Variants in LRP12 observed in about 807,000 individuals in gnomAD.
The protein encoded by LRP12 is LDL receptor related protein 12, also known as low-density lipoprotein receptor-related protein 12.
LRP12 carries 14 observed loss-of-function variants against 66.0 expected under a neutral mutation model. The observed-to-expected ratio is 0.21, with a 90% confidence interval of 0.14 to 0.33. LRP12 has a LOEUF of 0.33. LRP12 is among the 10% of genes least tolerant of loss of function. The pLI, the probability that LRP12 is intolerant of heterozygous loss-of-function variation, is 1.00. For missense variants in LRP12, 889 were observed against 1,053.4 expected, an observed-to-expected ratio of 0.84 and a Z score of 2.16; for synonymous variants, 357 against 359.1, an observed-to-expected ratio of 0.99 and a Z score of 0.07.
intron 2 of LRP12, among the ~76,000 whole-genome samples, chr8:104,515,447 C>T (rs986698173): frequency 1.3e-5 from 2 of 152,030 alleles, no homozygotes. Context: ...TATGAAAACC[C>T]TATAGAAGCT....
intron 3 of LRP12, chr8:104,506,775 CAAGG>C (rs1436293221): frequency 6.6e-6 from 1 of 152,066 alleles, no homozygotes; most frequent in Non-Finnish European, 1.5e-5. Flanking sequence ...TAGTGGGTTC[CAAGG>C]GAGAGGAATG....
At position 104,588,997 on chromosome 8, in the gene LRP12, CCGAGCCACCGG is replaced by C; in HGVS notation, c.-111_-101del. On this transcript the variant is annotated 5_prime_UTR_variant, in exon 1 of 7. Transcript: ENST00000276654. ...GCCGCCGCCGCCGCCGCCGCCGCCG[CCGAGCCACCGG>C]CTGCTCCCTGCGCTCTCCGCGGCTG... 5 of 885,110 alleles carry C rather than the reference CCGAGCCACCGG, an allele frequency of 5.6e-6. No individual in the cohort carries two copies. Among genetic ancestry groups the C allele is most frequent in the Admixed American group, 2.9e-5 (1 of 34,614 alleles). 54.8% of individuals were successfully genotyped at this position (885,110 alleles called of 1,614,324 possible).
chr8:104,496,775 C>T (rs958511744), intron 5 of LRP12, among the ~76,000 whole-genome samples, 197 bp downstream of exon 5: 1 of 152,180 alleles, frequency 6.6e-6, no homozygotes, highest in African/African-American at 2.4e-5. Flanking sequence ...TTTCTCATAA[C>T]TCTAAATATT....
chr8:104,539,786 A>C (rs1033543605), intron 1 of LRP12, among the ~76,000 whole-genome samples: 5 of 152,142 alleles, frequency 3.3e-5, no homozygotes, highest in Non-Finnish European at 7.4e-5. Context: ...GAGAAGATAA[A>C]AAAAAATGAG....
intron 1 of LRP12, among the ~76,000 whole-genome samples, chr8:104,539,159 G>A (rs1053802622): frequency 6.6e-5 from 10 of 152,080 alleles, no homozygotes. Context: ...AAACACTTAG[G>A]ACATTAATGA....
intron 2 of LRP12, among the ~76,000 whole-genome samples, chr8:104,510,169 C>T (rs749921291): frequency 6.6e-5 from 10 of 152,126 alleles, no homozygotes; most frequent in Non-Finnish European, 1.3e-4. Flanking sequence ...CATAATGCTG[C>T]TTTTAGGGTA....
At chr8:104,538,628 G>A (rs908607161) in intron 1 of LRP12, among the ~76,000 whole-genome samples, 3 of 152,100 alleles carry the variant, frequency 2.0e-5, no homozygotes, top group African/African-American at 7.2e-5. Flanking sequence ...AAAGGACAAT[G>A]AGACATCACA....
intron 1 of LRP12, chr8:104,566,428 T>C (rs942851883): frequency 6.7e-5 from 16 of 238,576 alleles, no homozygotes; most frequent in African/African-American, 1.1e-4. Flanking sequence ...AAATGGCCAA[T>C]ACAATTACTA....
intron 1 of LRP12, among the ~76,000 whole-genome samples, chr8:104,548,066 A>T (rs1168958684): frequency 8.4e-6 from 1 of 119,646 alleles, no homozygotes; most frequent in Non-Finnish European, 1.6e-5. Context: ...TTTGTATATA[A>T]TATATAATTC....
chr8:104,548,545 A>AT (rs915576969), intron 1 of LRP12, among the ~76,000 whole-genome samples: 21 of 134,594 alleles, frequency 1.6e-4, no homozygotes, highest in Non-Finnish European at 2.9e-4. Context: ...TCTATGTTAT[A>AT]TTTTGTATAT....
At chr8:104,498,347 T>C (rs7832076) in intron 4 of LRP12, among the ~76,000 whole-genome samples, 4,635 of 152,158 alleles carry the variant, frequency 0.03, 235 homozygotes, top group African/African-American at 0.11. Context: ...CCAGTATGCA[T>C]TAGGTCTTTT....
At chr8:104,581,704 A>C (rs1045836278) in intron 1 of LRP12, among the ~76,000 whole-genome samples, 1 of 152,170 alleles carries the variant, frequency 6.6e-6, no homozygotes, top group Non-Finnish European at 1.5e-5. Context: ...GGACAAGACT[A>C]GAGCTAAGAC....
chr8:104,496,444 C>T (rs1810728323), intron 5 of LRP12, among the ~76,000 whole-genome samples: 1 of 152,156 alleles, frequency 6.6e-6, no homozygotes, highest in South Asian at 2.1e-4. Flanking sequence ...CAATTAAAGC[C>T]TTTCTGCCTC....
intron 1 of LRP12, chr8:104,566,285 T>C: frequency 2.7e-6 from 1 of 376,260 alleles, no homozygotes; most frequent in Non-Finnish European, 4.6e-6. Flanking sequence ...GTTAAAAAAT[T>C]AGGAGACCAA....
chr8:104,539,801 G>A (rs992740092), intron 1 of LRP12, among the ~76,000 whole-genome samples: 2 of 151,938 alleles, frequency 1.3e-5, no homozygotes, highest in African/African-American at 4.8e-5. Flanking sequence ...AATGAGGGAG[G>A]AGGGCTCAAA....
At chr8:104,577,592 C>T (rs1193832522) in intron 1 of LRP12, among the ~76,000 whole-genome samples, 1 of 152,074 alleles carries the variant, frequency 6.6e-6, no homozygotes, top group Non-Finnish European at 1.5e-5. Flanking sequence ...AGGCAGATCA[C>T]GAGGTCAGGA....
At chr8:104,545,475 A>G (rs1390009941) in intron 1 of LRP12, among the ~76,000 whole-genome samples, 1 of 152,174 alleles carries the variant, frequency 6.6e-6, no homozygotes, top group African/African-American at 2.4e-5. Flanking sequence ...AAGGTTTCTG[A>G]TGTGACAAAC....
At chr8:104,544,562 A>G (rs1227016814) in intron 1 of LRP12, among the ~76,000 whole-genome samples, 1 of 152,182 alleles carries the variant, frequency 6.6e-6, no homozygotes, top group Non-Finnish European at 1.5e-5. Flanking sequence ...GCAGCTCGTG[A>G]CTTTAAGTTG....
At position 104,497,496 on chromosome 8, in the gene LRP12, T is replaced by C; in HGVS notation, c.1056A>G (p.Val352=). 1 of 1,614,146 alleles carries C rather than the reference T, an allele frequency of 6.2e-7. No individual in the cohort carries two copies. The highest frequency in any genetic ancestry group is 8.5e-7 in the Non-Finnish European group (1 of 1,180,000). ...TVVSSSGQIR[V]HFCADKVNAA... ...CATTCACTTTATCAGCACAAAAATG[T>C]ACCCTTATCTGTCCAGAAGAAGAAA... The change falls in exon 5 of 7, where the codon GTA becomes GTG. Residue 352 remains valine (V), a synonymous_variant. Transcript: ENST00000276654. The surrounding 1 kb of genome is among the most constrained non-coding windows in gnomAD (Gnocchi z 4.3).
Sources: gnomAD v4.1 joint callset for allele counts (sites outside exome capture counted in the v4.1 genomes callset) on GRCh38, gnomAD v4.1.1 for gene constraint, Gnocchi (gnomAD v3.1) non-coding constraint, MANE v1.5 for transcripts, NCBI Gene and HGNC (gene_info 2026-07-23, HGNC 2026-07-21) for gene names.